MACROD2: variants seen among roughly 807,000 people sequenced by gnomAD.
MACROD2 encodes the protein ADP-ribose glycohydrolase MACROD2.
Under a neutral mutation model 70.4 loss-of-function variants are expected in MACROD2, and 36 were observed. That is an observed-to-expected ratio of 0.51 (90% confidence interval 0.39 to 0.68). The LOEUF (loss-of-function observed/expected upper bound fraction) is 0.68. Ranked by LOEUF, MACROD2 falls within the 30% of genes least tolerant of loss-of-function variation. MACROD2 has a pLI of 0.00. For synonymous variants in MACROD2, 172 were observed against 178.8 expected, an observed-to-expected ratio of 0.96 and a Z score of 0.30; for missense variants, 496 against 538.4, an observed-to-expected ratio of 0.92 and a Z score of 0.78.
chr20:15,691,194 G>A (rs1000917620), intron 8 of MACROD2, among the ~76,000 whole-genome samples: 2 of 152,168 alleles, frequency 1.3e-5, no homozygotes, highest in Non-Finnish European at 2.9e-5. Flanking sequence ...AATAAGAATT[G>A]AGTCATTTCC....
At chr20:14,363,963 C>G (rs1156486044) in intron 3 of MACROD2, among the ~76,000 whole-genome samples, 1 of 151,800 alleles carries the variant, frequency 6.6e-6, no homozygotes, top group Non-Finnish European at 1.5e-5. Context: ...CCCTGGGGCA[C>G]TTTTCAAAAC....
intron 8 of MACROD2, among the ~76,000 whole-genome samples, chr20:15,817,715 ATC>A (rs2063892434): frequency 6.6e-6 from 1 of 151,610 alleles, no homozygotes; most frequent in South Asian, 2.1e-4. Context: ...CACCCTTCTA[ATC>A]TCTCTGTCTA....
intron 2 of MACROD2, among the ~76,000 whole-genome samples, chr20:14,067,758 T>G (rs1231288964): frequency 6.6e-6 from 1 of 152,184 alleles, no homozygotes; most frequent in Non-Finnish European, 1.5e-5. Context: ...GAGAGTGAAG[T>G]GTGTCCTTAT....
chr20:15,982,662 C>G (rs1449658889), intron 13 of MACROD2, among the ~76,000 whole-genome samples: 1 of 152,166 alleles, frequency 6.6e-6, no homozygotes, highest in African/African-American at 2.4e-5. Flanking sequence ...ACTGGGCTCT[C>G]TGATACCAGG....
intron 8 of MACROD2, among the ~76,000 whole-genome samples, chr20:15,762,922 C>A (rs949098147): frequency 6.6e-6 from 1 of 152,100 alleles, no homozygotes; most frequent in African/African-American, 2.4e-5. Flanking sequence ...TATACACATA[C>A]CAAATGGAGT....
chr20:16,028,680 C>A (rs1216549501), intron 15 of MACROD2, among the ~76,000 whole-genome samples: 1 of 152,106 alleles, frequency 6.6e-6, no homozygotes, highest in South Asian at 2.1e-4. Context: ...AAAACAGGCA[C>A]AGGCACATTT....
intron 3 of MACROD2, among the ~76,000 whole-genome samples, chr20:14,353,009 A>G (rs1049294808): frequency 9.2e-5 from 14 of 152,042 alleles, no homozygotes; most frequent in African/African-American, 3.4e-4. Context: ...GGTATTTTCC[A>G]GTTTATGTTT....
At chr20:15,089,641 C>T (rs915242253) in intron 5 of MACROD2, among the ~76,000 whole-genome samples, 18 of 152,226 alleles carry the variant, frequency 1.2e-4, no homozygotes, top group Admixed American at 1.0e-3. Context: ...TATCTGGGAA[C>T]TTGGTGTCAA....
intron 3 of MACROD2, among the ~76,000 whole-genome samples, chr20:14,142,346 ATC>A (rs1569177416): frequency 6.6e-6 from 1 of 152,044 alleles, no homozygotes; most frequent in Non-Finnish European, 1.5e-5. Flanking sequence ...CTGGATGGGA[ATC>A]TCTTTATTGT....
chr20:15,335,032 TAAAGCTGGGA>T (rs1452886993), intron 6 of MACROD2, among the ~76,000 whole-genome samples: 2 of 151,732 alleles, frequency 1.3e-5, no homozygotes, highest in East Asian at 3.9e-4. Flanking sequence ...TAGAAATTTC[TAAAGCTGGGA>T]AAGGCTTCAG....
At chr20:15,220,354 T>G (rs2076848868) in intron 5 of MACROD2, among the ~76,000 whole-genome samples, 1 of 152,250 alleles carries the variant, frequency 6.6e-6, no homozygotes, top group African/African-American at 2.4e-5. Context: ...CCCATAGAAT[T>G]CTTGGCTTTG....
At chr20:14,451,946 A>G (rs1273911458) in intron 3 of MACROD2, among the ~76,000 whole-genome samples, 5 of 152,134 alleles carry the variant, frequency 3.3e-5, no homozygotes, top group Non-Finnish European at 5.9e-5. Flanking sequence ...TATTTTCTCC[A>G]TGAGGGGGTG....
intron 4 of MACROD2, among the ~76,000 whole-genome samples, chr20:14,575,984 A>C (rs1239963925): frequency 6.6e-6 from 1 of 152,212 alleles, no homozygotes; most frequent in Admixed American, 6.5e-5. Context: ...TATCATGGGC[A>C]CCTAAATATA....
At chr20:15,427,110 G>A (rs1438946659) in intron 6 of MACROD2, among the ~76,000 whole-genome samples, 1 of 152,084 alleles carries the variant, frequency 6.6e-6, no homozygotes, top group Non-Finnish European at 1.5e-5. Flanking sequence ...TACATAAAAT[G>A]AATTTTTTTC....
intron 4 of MACROD2, among the ~76,000 whole-genome samples, chr20:14,607,107 C>T (rs533018218): frequency 2.0e-5 from 3 of 152,146 alleles, no homozygotes; most frequent in South Asian, 2.1e-4. Context: ...AACTGAATTT[C>T]GTCTGGATTG....
chr20:13,996,184 T>C (rs1647274257), intron 1 of MACROD2: 2 of 244,102 alleles, frequency 8.2e-6, no homozygotes, highest in South Asian at 1.3e-4. Flanking sequence ...ACTGCCGGCC[T>C]GGGTGTCCCG....
At chr20:14,657,529 A>AT (rs1451041006) in intron 4 of MACROD2, among the ~76,000 whole-genome samples, 21 of 152,294 alleles carry the variant, frequency 1.4e-4, no homozygotes, top group African/African-American at 5.1e-4. Context: ...TGGCCTTCTA[A>AT]TTACTAGGGG....
intron 7 of MACROD2, among the ~76,000 whole-genome samples, chr20:15,488,224 C>T (rs2047185670): frequency 6.6e-6 from 1 of 152,166 alleles, no homozygotes; most frequent in African/African-American, 2.4e-5. Flanking sequence ...CAGAGAGCAG[C>T]ACAGAAGTTT....
intron 6 of MACROD2, among the ~76,000 whole-genome samples, chr20:15,392,521 T>C (rs1228717329): frequency 6.6e-6 from 1 of 152,200 alleles, no homozygotes; most frequent in East Asian, 1.9e-4. Context: ...ATAATCAGTG[T>C]CATTTTACCT....
Sources: allele counts gnomAD v4.1 joint callset (sites outside exome capture counted in the v4.1 genomes callset), GRCh38; gene constraint gnomAD v4.1.1; transcripts MANE v1.5; gene names NCBI Gene and HGNC (gene_info 2026-07-23, HGNC 2026-07-21).